The following DIPK2B variants were observed in gnomAD, a reference collection of about 807,000 sequenced individuals.
The protein encoded by DIPK2B is UPF0672 protein CXorf36.
A neutral mutation model predicts 22.2 loss-of-function variants in DIPK2B; 15 were observed. The ratio of observed to expected loss-of-function variants is 0.68; its 90% confidence interval spans 0.45 to 1.04. The LOEUF (loss-of-function observed/expected upper bound fraction) is 1.04. DIPK2B is among the 50% of genes least tolerant of loss of function. DIPK2B has a pLI of 0.00. For missense variants in DIPK2B, 345 were observed against 348.3 expected (o/e 0.99, Z 0.08); for synonymous variants, 163 against 153.2 (o/e 1.06, Z -0.47).
intron 2 of DIPK2B, among the ~76,000 whole-genome samples, chrX:45,182,748 G>C (rs745870238): frequency 2.4e-4 from 27 of 113,220 alleles, no homozygotes; most frequent in African/African-American, 8.3e-4. Context: ...TAAATAGCAT[G>C]ATGTGTTGTG....
chrX:45,179,415 G>A (rs1026275503), intron 2 of DIPK2B, among the ~76,000 whole-genome samples: 1 of 110,408 alleles, frequency 9.1e-6, no homozygotes, highest in African/African-American at 3.3e-5. Context: ...GCAAAAAAAC[G>A]GAAAACTATC....
chrX:45,196,567 T>G (rs1263729513), intron 1 of DIPK2B, among the ~76,000 whole-genome samples: 1 of 111,175 alleles, frequency 9.0e-6, no homozygotes, highest in Non-Finnish European at 1.9e-5. Context: ...TTTTTAGACT[T>G]TGATAGTGGA....
At chrX:45,168,147 T>C (rs1055002367) in intron 2 of DIPK2B, among the ~76,000 whole-genome samples, 34 of 112,646 alleles carry the variant, frequency 3.0e-4, no homozygotes, top group Non-Finnish European at 1.9e-5. Context: ...CGTTTCAATG[T>C]TGCTTTGAAA....
At chrX:45,169,972 G>A (rs773084503) in intron 2 of DIPK2B, among the ~76,000 whole-genome samples, 25 of 110,396 alleles carry the variant, frequency 2.3e-4, no homozygotes, top group Non-Finnish European at 4.5e-4. Context: ...AGGCCGGCGC[G>A]GTGGCTCACG....
intron 2 of DIPK2B, among the ~76,000 whole-genome samples, chrX:45,160,186 A>T (rs1480108572): frequency 9.1e-6 from 1 of 109,375 alleles, no homozygotes; most frequent in African/African-American, 3.3e-5. Flanking sequence ...TTTCTTCATA[A>T]ATTACCCAGT....
intron 2 of DIPK2B, among the ~76,000 whole-genome samples, chrX:45,172,417 G>A (rs923572365): frequency 1.8e-4 from 20 of 111,888 alleles, no homozygotes; most frequent in Admixed American, 1.9e-4. Context: ...GCCCCTTGCT[G>A]TCAAACGTTT....
chrX:45,179,912 A>T (rs1216536005), intron 2 of DIPK2B, among the ~76,000 whole-genome samples: 1 of 112,087 alleles, frequency 8.9e-6, no homozygotes, highest in Non-Finnish European at 1.9e-5. Context: ...AATAAACTAG[A>T]GTAGAAGGAA....
chrX:45,155,989 CAG>C (rs1282859282), intron 3 of DIPK2B, among the ~76,000 whole-genome samples: 3 of 43,125 alleles, frequency 7.0e-5, no homozygotes, highest in African/African-American at 2.6e-4. Flanking sequence ...TTTTTTTAGA[CAG>C]AGTCTTGCTC....
intron 1 of DIPK2B, among the ~76,000 whole-genome samples, chrX:45,199,481 A>G (rs1291601151): frequency 1.8e-5 from 2 of 110,725 alleles, no homozygotes; most frequent in African/African-American, 6.6e-5. Context: ...TATCCCTTCA[A>G]CCTCCTCCTC....
At chrX:45,178,702 C>T (rs1603109671) in intron 2 of DIPK2B, among the ~76,000 whole-genome samples, 2 of 111,534 alleles carry the variant, frequency 1.8e-5, no homozygotes, top group Admixed American at 1.9e-4. Flanking sequence ...AAAGAAGGAG[C>T]CCCCATAACT....
chrX:45,167,977 G>A (rs1219079053), intron 2 of DIPK2B, among the ~76,000 whole-genome samples: 1 of 112,546 alleles, frequency 8.9e-6, no homozygotes. Flanking sequence ...GAGCCACTGT[G>A]CCCGGCCCAG....
At chrX:45,153,066 A>T (rs1278156736) in intron 4 of DIPK2B, among the ~76,000 whole-genome samples, 2 of 112,924 alleles carry the variant, frequency 1.8e-5, no homozygotes, top group Non-Finnish European at 3.7e-5. Flanking sequence ...TTCTGGAATC[A>T]GCCTCATTTC....
chrX:45,153,958 G>T lies in DIPK2B; in HGVS notation c.913C>A (p.Leu305Met), dbSNP rs777721060. 89 of 1,208,498 alleles carry T rather than the reference G, an allele frequency of 7.4e-5. No individual in the cohort carries two copies. The highest frequency in any genetic ancestry group is 9.4e-5 in the Non-Finnish European group (84 of 894,727). Reference sequence around the variant, plus strand: ...ACTGCACTGGCATCCCGGATGAACAGATGCCCGTTGTTAAAGACGCCGAAC... The same window carrying T: ...ACTGCACTGGCATCCCGGATGAACATATGCCCGTTGTTAAAGACGCCGAAC... ...GMFGVFNNGH[L>M]FIRDASAVGV... The change falls in exon 4 of 5, where the codon CTG (leucine) becomes ATG (methionine). Residue 305 changes from leucine (L) to methionine (M), a missense_variant. Physicochemically the swap from Leu to Met is conservative, Grantham distance 15. Coordinates refer to ENST00000398000, the MANE Select transcript of DIPK2B (RefSeq NM_176819.4).
intron 2 of DIPK2B, among the ~76,000 whole-genome samples, chrX:45,170,670 C>G (rs1402562878): frequency 2.7e-5 from 3 of 112,057 alleles, no homozygotes; most frequent in Non-Finnish European, 5.6e-5. Context: ...CTATTGAAAC[C>G]CCAACTCTGG....
chrX:45,176,654 G>A (rs2047120186), intron 2 of DIPK2B, among the ~76,000 whole-genome samples: 1 of 111,824 alleles, frequency 8.9e-6, no homozygotes, highest in Non-Finnish European at 1.9e-5. Flanking sequence ...AATGTTGGAA[G>A]GGAAATCAGT....
At chrX:45,188,131 A>G (rs2047193761) in intron 2 of DIPK2B, among the ~76,000 whole-genome samples, 1 of 111,963 alleles carries the variant, frequency 8.9e-6, no homozygotes, top group African/African-American at 3.3e-5. Flanking sequence ...CCATATAAAT[A>G]CAGAAAGATC....
At chrX:45,165,549 A>T (rs1010715206) in intron 2 of DIPK2B, among the ~76,000 whole-genome samples, 2 of 109,792 alleles carry the variant, frequency 1.8e-5, no homozygotes, top group African/African-American at 6.7e-5. Context: ...CCATGTACTG[A>T]CTCCCACTGG....
chrX:45,171,301 A>G (rs998614977), intron 2 of DIPK2B, among the ~76,000 whole-genome samples: 3 of 108,442 alleles, frequency 2.8e-5, no homozygotes, highest in Middle Eastern at 4.7e-3. Flanking sequence ...CCCTGACCCC[A>G]CTCTGAACCC....
chrX:45,197,203 T>G (rs1234080589), intron 1 of DIPK2B, among the ~76,000 whole-genome samples: 13 of 110,249 alleles, frequency 1.2e-4, no homozygotes, highest in African/African-American at 3.3e-4. Flanking sequence ...TTTTTTTTTT[T>G]TGAGAGAGAG....
Sources: allele counts gnomAD v4.1 joint callset (sites outside exome capture counted in the v4.1 genomes callset), GRCh38; gene constraint gnomAD v4.1.1; transcripts MANE v1.5; gene names NCBI Gene and HGNC (gene_info 2026-07-23, HGNC 2026-07-21).